Variants in LLPH observed in about 807,000 individuals in gnomAD.
LLPH encodes the protein LLP homolog, long-term synaptic facilitation factor.
Under a neutral mutation model 13.3 loss-of-function variants are expected in LLPH, and 5 were observed. The observed-to-expected ratio is 0.38, with a 90% CI of 0.20 to 0.79. The LOEUF (loss-of-function observed/expected upper bound fraction) is 0.79. LLPH is among the 30% of genes least tolerant of loss of function. The pLI, the probability that LLPH is intolerant of heterozygous loss-of-function variation, is 0.45. For synonymous variants in LLPH, 32 were observed against 44.2 expected (o/e 0.72, Z 1.09); for missense variants, 129 against 152.1 (o/e 0.85, Z 0.80).
intron 1 of LLPH, chr12:66,130,439 A>G (rs986780121): frequency 5.3e-5 from 8 of 152,218 alleles, no homozygotes; most frequent in African/African-American, 1.9e-4. Context: ...GGGCTAGGAA[A>G]GCGGGCGGCA....
At chr12:66,130,169 C>T (rs937989634) in intron 1 of LLPH, among the ~76,000 whole-genome samples, 1 of 152,160 alleles carries the variant, frequency 6.6e-6, no homozygotes, top group African/African-American at 2.4e-5. Context: ...CCTTCATTCG[C>T]TACCTCAGAA....
In LLPH at chr12:66,122,768, G is replaced by A. The variant is rs1264124763; in HGVS notation, c.*1072C>T. 1 of 151,332 alleles carries A rather than the reference G, an allele frequency of 6.6e-6. No homozygotes were observed. The highest frequency in any genetic ancestry group is 1.5e-5 in the Non-Finnish European group (1 of 67,946). The allele number at this position is 151,332 out of a possible 1,614,324, so 9.4% of individuals were successfully genotyped here. On this transcript the variant is annotated 3_prime_UTR_variant, in exon 3 of 3. Transcript: ENST00000266604. ...TCAAGTATGTAGCATTTCCCAAATCGATGTGAACACAATTTATTTTTTTTA... is the reference window on the plus strand; with the variant it reads ...TCAAGTATGTAGCATTTCCCAAATCAATGTGAACACAATTTATTTTTTTTA...
chr12:66,124,127 G>T, intron 2 of LLPH, 109 bp from the exon 3 acceptor site: 1 of 654,474 alleles, frequency 1.5e-6, no homozygotes, highest in Non-Finnish European at 2.5e-6. Flanking sequence ...AAGGTAGACC[G>T]AAAATAGAGA....
In LLPH at chr12:66,123,596, C is replaced by G. The variant is rs181303252; in HGVS notation, c.*244G>C. ...ACAGAACGTTGAGGCCTGATTATAA[C>G]TGGATATTGGGTAGCATCCAGTTAA... On this transcript the variant is annotated 3_prime_UTR_variant, in exon 3 of 3. Coordinates refer to ENST00000266604, the MANE Select transcript of LLPH (RefSeq NM_032338.4). The G allele has an allele frequency of 6.0e-6, 3 of 498,972 alleles. No homozygotes were observed. The highest frequency in any genetic ancestry group is 5.8e-5 in the African/African-American group (3 of 51,424). The allele number at this position is 498,972 out of a possible 1,614,324, so 30.9% of individuals were successfully genotyped here. A position where few individuals can be genotyped will look rare whatever the true frequency, so the allele number is the denominator to read the frequency against.
In LLPH at chr12:66,119,585, G is replaced by A. The variant is rs775698091; in HGVS notation, c.*4255C>T. On this transcript the variant is annotated 3_prime_UTR_variant, in exon 3 of 3. Coordinates refer to ENST00000266604, the MANE Select transcript of LLPH (RefSeq NM_032338.4). ...ACATGCAGGCAAATAGAGGGAAAAA[G>A]ACATATATTTTGTGTTTAGCACAAA... The A allele has an allele frequency of 2.6e-5, 4 of 152,218 alleles. No individual in the cohort carries two copies. Among genetic ancestry groups the A allele is most frequent in the Admixed American group, 2.6e-4 (4 of 15,286 alleles). 9.4% of individuals were successfully genotyped at this position (152,218 alleles called of 1,614,324 possible).
Position 66,119,795 on chromosome 12 carries a change from C to T in LLPH, c.*4045G>A, listed in dbSNP as rs2051451487. 6.6e-6 allele frequency: 1 copy of T among 152,232 alleles called. No homozygotes were observed. Among genetic ancestry groups the T allele is most frequent in the Non-Finnish European group, 1.5e-5 (1 of 68,056 alleles). The allele number at this position is 152,232 out of a possible 1,614,324, so 9.4% of individuals were successfully genotyped here. On this transcript the variant is annotated 3_prime_UTR_variant, in exon 3 of 3. Transcript: ENST00000266604. Reference sequence around the variant, plus strand: ...CATTGCTGCCCCTCACCATCACCACCAGTCCATTTCAGATATTTGATTCAA... The same window carrying T: ...CATTGCTGCCCCTCACCATCACCACTAGTCCATTTCAGATATTTGATTCAA...
chr12:66,126,699 G>A (rs1243667861), intron 2 of LLPH, among the ~76,000 whole-genome samples: 2 of 152,144 alleles, frequency 1.3e-5, no homozygotes, highest in African/African-American at 4.8e-5. Context: ...GGGAGGCTGA[G>A]GCAGGTGGAT....
In LLPH at chr12:66,120,136, A is replaced by T. The variant is rs2051454059; in HGVS notation, c.*3704T>A. On this transcript the variant is annotated 3_prime_UTR_variant, in exon 3 of 3. Transcript: ENST00000266604. ...CTTTTGGATTGGTCAGCCCATTCCTAATGAAGTGTCACCTGAGGAAATCCA... is the reference window on the plus strand; with the variant it reads ...CTTTTGGATTGGTCAGCCCATTCCTTATGAAGTGTCACCTGAGGAAATCCA... The T allele has an allele frequency of 6.6e-6, 1 of 152,196 alleles. No individual in the cohort carries two copies. 9.4% of individuals were successfully genotyped at this position (152,196 alleles called of 1,614,324 possible).
At chr12:66,129,461 CT>C (rs2051520019) in intron 1 of LLPH, among the ~76,000 whole-genome samples, 1 of 151,958 alleles carries the variant, frequency 6.6e-6, no homozygotes, top group South Asian at 2.1e-4. Context: ...TCTCAGCTCA[CT>C]GCAACCTCCA....
In LLPH at chr12:66,122,750, T is replaced by C. The variant is rs1425498870; in HGVS notation, c.*1090A>G. 1 of 152,138 alleles carries C rather than the reference T, an allele frequency of 6.6e-6. No homozygotes were observed. The allele number at this position is 152,138 out of a possible 1,614,324, so 9.4% of individuals were successfully genotyped here. On this transcript the variant is annotated 3_prime_UTR_variant, in exon 3 of 3. Transcript: ENST00000266604. ...AAAATCTTTTGTAAATCTTCAAGTA[T>C]GTAGCATTTCCCAAATCGATGTGAA...
In LLPH at chr12:66,123,689, G is replaced by A; in HGVS notation, c.*151C>T. ...CAAGTTCCCAAAACAAACTTGAGGA[G>A]TTATGCTGGGTTTGAATTGAAGAAA... On this transcript the variant is annotated 3_prime_UTR_variant, in exon 3 of 3. Transcript: ENST00000266604. 1.4e-6 allele frequency: 1 copy of A among 713,866 alleles called. No homozygotes were observed. Among genetic ancestry groups the A allele is most frequent in the Non-Finnish European group, 2.3e-6 (1 of 433,026 alleles). The allele number at this position is 713,866 out of a possible 1,614,324, so 44.2% of individuals were successfully genotyped here.
In LLPH at chr12:66,122,116, A is replaced by T. The variant is rs536840558; in HGVS notation, c.*1724T>A. The T allele has an allele frequency of 6.6e-6, 1 of 152,344 alleles. No individual in the cohort carries two copies. Among genetic ancestry groups the T allele is most frequent in the Admixed American group, 6.5e-5 (1 of 15,314 alleles). 9.4% of individuals were successfully genotyped at this position (152,344 alleles called of 1,614,324 possible). On this transcript the variant is annotated 3_prime_UTR_variant, in exon 3 of 3. Coordinates refer to ENST00000266604, the MANE Select transcript of LLPH (RefSeq NM_032338.4). ...AGCTGTTAAGAAATTTTAAGCATTT[A>T]AAGTTATCTACCAACTTTTCAATAA... is the stretch of plus-strand genomic sequence containing the variant.
intron 2 of LLPH, among the ~76,000 whole-genome samples, chr12:66,127,904 T>G (rs1030900032): frequency 6.6e-6 from 1 of 152,174 alleles, no homozygotes; most frequent in Non-Finnish European, 1.5e-5. Flanking sequence ...ATAAGGCAGA[T>G]GCATGAGTAC....
At chr12:66,124,111 GA>G in intron 2 of LLPH, 93 bp from the exon 3 acceptor site, 3 of 799,428 alleles carry the variant, frequency 3.8e-6, no homozygotes, top group Non-Finnish European at 5.9e-6. Flanking sequence ...CAGAACATTA[GA>G]ACTGAAGGTA....
intron 1 of LLPH, 42 bp from the exon 2 acceptor site, chr12:66,129,155 T>A: frequency 7.4e-7 from 1 of 1,351,472 alleles, no homozygotes; most frequent in Non-Finnish European, 1.0e-6. Context: ...AAATCTTTAA[T>A]ATAAAAAAGA....
chr12:66,128,928 T>G lies in LLPH; in HGVS notation c.179A>C (p.Glu60Ala). The G allele has an allele frequency of 6.2e-7, 1 of 1,612,934 alleles. No individual in the cohort carries two copies. The highest frequency in any genetic ancestry group is 8.5e-7 in the Non-Finnish European group (1 of 1,179,198). The change falls in exon 2 of 3, where the codon GAG (glutamate) becomes GCG (alanine). Residue 60 changes from glutamate to alanine, a missense_variant. Glu to Ala is a moderately radical substitution (Grantham distance 107). Transcript: ENST00000266604. ...VVVPKPKHCQ[E>A]KMQCEVKDEK... ...ATCTTTTACCTCACATTGCATTTTCTCTTGGCAATGTTTGGGTTTGGGTAC... is the reference window on the plus strand; with the variant it reads ...ATCTTTTACCTCACATTGCATTTTCGCTTGGCAATGTTTGGGTTTGGGTAC...
rs2051434811 is a variant in LLPH, at chr12:66,117,305, A to G, written c.*6535T>C. 6.6e-6 allele frequency: 1 copy of G among 152,364 alleles called. No individual in the cohort carries two copies. The highest frequency in any genetic ancestry group is 1.9e-4 in the East Asian group (1 of 5,186). The allele number at this position is 152,364 out of a possible 1,614,324, so 9.4% of individuals were successfully genotyped here. On this transcript the variant is annotated 3_prime_UTR_variant, in exon 3 of 3. Coordinates refer to ENST00000266604, the MANE Select transcript of LLPH (RefSeq NM_032338.4). The stretch of plus-strand genomic sequence containing the variant: ...ATTTACATAGCATTTTCATTGTATT[A>G]TAAGTAATCTAGAGATGATTTAAAG...
intron 2 of LLPH, among the ~76,000 whole-genome samples, chr12:66,127,821 T>C (rs887439732): frequency 2.0e-5 from 3 of 152,212 alleles, no homozygotes; most frequent in Non-Finnish European, 4.4e-5. Flanking sequence ...GAGAAATTTT[T>C]CTTTCTTTCT....
In LLPH at chr12:66,119,086, C is replaced by T. The variant is rs11176047; in HGVS notation, c.*4754G>A. 1 of 152,114 alleles carries T rather than the reference C, an allele frequency of 6.6e-6. No individual in the cohort carries two copies. Among genetic ancestry groups the T allele is most frequent in the Non-Finnish European group, 1.5e-5 (1 of 68,028 alleles). The allele number at this position is 152,114 out of a possible 1,614,324, so 9.4% of individuals were successfully genotyped here. ...TTCCATCATAGGTATTCATTCTATA[C>T]TCTGGGACAGGCGGCTTGCTCACTA... On this transcript the variant is annotated 3_prime_UTR_variant, in exon 3 of 3. Coordinates refer to ENST00000266604, the MANE Select transcript of LLPH (RefSeq NM_032338.4).
Sources: allele counts gnomAD v4.1 joint callset (sites outside exome capture counted in the v4.1 genomes callset), GRCh38; gene constraint gnomAD v4.1.1; transcripts MANE v1.5; gene names NCBI Gene and HGNC (gene_info 2026-07-23, HGNC 2026-07-21).